Variants in ARHGEF3 observed in about 807,000 individuals in gnomAD.
ARHGEF3 encodes Rho guanine nucleotide exchange factor 3.
A neutral mutation model predicts 63.2 loss-of-function variants in ARHGEF3; 28 were observed. The ratio of observed to expected loss-of-function variants is 0.44; its 90% CI spans 0.33 to 0.61. ARHGEF3 has a LOEUF of 0.61. Among genes scored for constraint, ARHGEF3 ranks in the 20% least tolerant of loss-of-function variants. The pLI, the probability that ARHGEF3 is intolerant of heterozygous loss-of-function variation, is 0.03. For synonymous variants in ARHGEF3, 266 were observed against 254.2 expected, an observed-to-expected ratio of 1.05 and a Z score of -0.44; for missense variants, 533 against 659.3, an observed-to-expected ratio of 0.81 and a Z score of 2.10.
chr3:56,772,175 TA>T (rs1427016239), intron 2 of ARHGEF3, among the ~76,000 whole-genome samples: 1 of 151,950 alleles, frequency 6.6e-6, no homozygotes, highest in African/African-American at 2.4e-5. Flanking sequence ...GACCCAAACC[TA>T]TAGCTAATTA....
intron 1 of ARHGEF3, among the ~76,000 whole-genome samples, chr3:56,800,800 C>G (rs1258458375): frequency 1.3e-5 from 2 of 152,176 alleles, no homozygotes; most frequent in African/African-American, 4.8e-5. Flanking sequence ...CAATGACTAG[C>G]TGGGTCCTGT....
chr3:56,784,982 T>C (rs536193707), intron 1 of ARHGEF3, among the ~76,000 whole-genome samples: 2 of 152,170 alleles, frequency 1.3e-5, no homozygotes, highest in South Asian at 4.1e-4. Context: ...CGCCTGTTAG[T>C]CCTCAGTAAA....
intron 2 of ARHGEF3, among the ~76,000 whole-genome samples, chr3:57,000,523 CTAT>C (rs10617210): frequency 0.18 from 26,990 of 151,274 alleles, 2,700 homozygotes; most frequent in East Asian, 0.38. Context: ...ATTATTACTA[CTAT>C]TATTATTATT....
At chr3:57,074,300 G>C (rs772048090) in intron 1 of ARHGEF3, 6 of 1,576,086 alleles carry the variant, frequency 3.8e-6, no homozygotes, top group Non-Finnish European at 5.2e-6. Context: ...TGAGAGTCTG[G>C]CAGCTGTTTG....
At chr3:56,739,267 A>G (rs961754332) in intron 7 of ARHGEF3, among the ~76,000 whole-genome samples, 6 of 152,330 alleles carry the variant, frequency 3.9e-5, no homozygotes, top group Admixed American at 3.3e-4. Context: ...CGTCACATTT[A>G]CTTAAAAGAA....
intron 2 of ARHGEF3, among the ~76,000 whole-genome samples, chr3:57,002,449 A>AT (rs1560122538): frequency 4.0e-4 from 33 of 82,418 alleles, no homozygotes; most frequent in Middle Eastern, 5.3e-3. Context: ...TATGCCAGGC[A>AT]CTGTTCTAAG....
At chr3:57,004,255 T>C (rs909345184) in intron 2 of ARHGEF3, among the ~76,000 whole-genome samples, 1 of 152,182 alleles carries the variant, frequency 6.6e-6, no homozygotes, top group Non-Finnish European at 1.5e-5. Context: ...ATAATGACAG[T>C]CTGGAGCCAC....
intron 4 of ARHGEF3, among the ~76,000 whole-genome samples, chr3:56,814,866 C>T (rs1047023701): frequency 1.3e-5 from 2 of 152,158 alleles, no homozygotes; most frequent in Non-Finnish European, 1.5e-5. Flanking sequence ...CAGTGGCTTA[C>T]ACCTATAATC....
intron 3 of ARHGEF3, among the ~76,000 whole-genome samples, chr3:56,942,234 A>G (rs1372126324): frequency 1.3e-5 from 2 of 152,232 alleles, no homozygotes; most frequent in Non-Finnish European, 2.9e-5. Context: ...CACAAACTGA[A>G]GGTTTGTGGT....
At chr3:57,033,817 G>T (rs1234601140) in intron 2 of ARHGEF3, among the ~76,000 whole-genome samples, 1 of 152,106 alleles carries the variant, frequency 6.6e-6, no homozygotes, top group Non-Finnish European at 1.5e-5. Context: ...GGCTGAGGTA[G>T]GTAGATCACC....
intron 2 of ARHGEF3, among the ~76,000 whole-genome samples, chr3:57,033,935 C>A (rs944021711): frequency 6.6e-6 from 1 of 151,858 alleles, no homozygotes; most frequent in East Asian, 1.9e-4. Context: ...ATCCCAGCTA[C>A]TCAGGAGGCT....
intron 2 of ARHGEF3, among the ~76,000 whole-genome samples, chr3:56,965,742 G>A (rs866688528): frequency 2.7e-5 from 4 of 148,436 alleles, no homozygotes; most frequent in Non-Finnish European, 4.4e-5. Flanking sequence ...TCTGCCTTCC[G>A]GGTTCACACC....
intron 4 of ARHGEF3, among the ~76,000 whole-genome samples, chr3:56,814,835 T>G (rs1428008932): frequency 6.6e-6 from 1 of 152,106 alleles, no homozygotes; most frequent in Non-Finnish European, 1.5e-5. Context: ...CTGACCTAAA[T>G]TAGAAGACAT....
intron 3 of ARHGEF3, among the ~76,000 whole-genome samples, chr3:56,944,022 TA>T (rs1699329263): frequency 6.7e-6 from 1 of 149,698 alleles, no homozygotes; most frequent in Non-Finnish European, 1.5e-5. Context: ...CTAAAAATAC[TA>T]AAATTAGCCA....
At chr3:57,005,187 G>A (rs1293072867) in intron 2 of ARHGEF3, among the ~76,000 whole-genome samples, 1 of 152,110 alleles carries the variant, frequency 6.6e-6, no homozygotes, top group Non-Finnish European at 1.5e-5. Flanking sequence ...TTGAGAGATG[G>A]GAATGGGAAC....
chr3:56,826,931 T>A (rs2038734155), intron 4 of ARHGEF3, among the ~76,000 whole-genome samples: 1 of 152,220 alleles, frequency 6.6e-6, no homozygotes, highest in Non-Finnish European at 1.5e-5. Flanking sequence ...AGTGTTTTTT[T>A]ATTTTTTAAT....
intron 4 of ARHGEF3, among the ~76,000 whole-genome samples, chr3:56,862,298 A>G (rs1232288833): frequency 6.6e-6 from 1 of 152,174 alleles, no homozygotes; most frequent in Non-Finnish European, 1.5e-5. Context: ...TCCAATGCCT[A>G]CTGGTTCAGC....
intron 2 of ARHGEF3, among the ~76,000 whole-genome samples, chr3:57,026,996 A>G (rs1703504312): frequency 6.6e-6 from 1 of 152,174 alleles, no homozygotes. Context: ...TAATGTGATC[A>G]CCCTATGTTA....
intron 2 of ARHGEF3, among the ~76,000 whole-genome samples, chr3:56,980,401 T>C (rs1428626151): frequency 1.3e-5 from 2 of 152,100 alleles, no homozygotes; most frequent in Admixed American, 1.3e-4. Flanking sequence ...AAAAGAAGAA[T>C]GGCTGTATGG....
Sources: allele counts gnomAD v4.1 joint callset (sites outside exome capture counted in the v4.1 genomes callset), GRCh38; gene constraint gnomAD v4.1.1; transcripts MANE v1.5; gene names NCBI Gene and HGNC (gene_info 2026-07-23, HGNC 2026-07-21).